The following SYNPR variants were observed in gnomAD, a reference collection of about 807,000 sequenced individuals.
The protein encoded by SYNPR is synaptoporin.
SYNPR carries 23 observed loss-of-function variants against 32.9 expected under a neutral mutation model. That is an observed-to-expected ratio of 0.70 (90% CI 0.50 to 0.99). The LOEUF is 0.99. SYNPR is among the 50% of genes least tolerant of loss of function. SYNPR has a pLI of 0.00. For missense variants in SYNPR, 318 were observed against 349.3 expected (o/e 0.91, Z 0.71); for synonymous variants, 146 against 135.9 (o/e 1.07, Z -0.52).
chr3:63,436,707 A>G (rs1468951778), intron 2 of SYNPR, among the ~76,000 whole-genome samples: 1 of 152,138 alleles, frequency 6.6e-6, no homozygotes, highest in Non-Finnish European at 1.5e-5. Context: ...GCAACTCTTC[A>G]TGGACCCAAT....
intron 3 of SYNPR, among the ~76,000 whole-genome samples, chr3:63,552,419 A>C (rs1223820764): frequency 2.0e-5 from 3 of 152,210 alleles, no homozygotes; most frequent in Non-Finnish European, 4.4e-5. Flanking sequence ...GGGCTCTATG[A>C]TATAACCATA....
chr3:63,206,994 G>A, the SYNPR span, among the ~76,000 whole-genome samples: 7 of 152,176 alleles, frequency 4.6e-5, no homozygotes, highest in East Asian at 1.9e-4. Flanking sequence ...TGAAGTTGAC[G>A]TGCATGCATA....
intron 2 of SYNPR, among the ~76,000 whole-genome samples, chr3:63,327,579 T>C (rs1287539434): frequency 1.3e-5 from 2 of 152,266 alleles, no homozygotes; most frequent in East Asian, 1.9e-4. Context: ...TACATTTTGG[T>C]ATATTTATGC....
intron 2 of SYNPR, among the ~76,000 whole-genome samples, chr3:63,448,311 A>G (rs1455865714): frequency 6.6e-6 from 1 of 152,174 alleles, no homozygotes; most frequent in African/African-American, 2.4e-5. Flanking sequence ...ACCTTACACA[A>G]TCTTTAAATC....
At chr3:63,524,741 T>C (rs1260038877) in intron 3 of SYNPR, among the ~76,000 whole-genome samples, 1 of 152,140 alleles carries the variant, frequency 6.6e-6, no homozygotes. Context: ...GAAAATCTGC[T>C]TTTAACTATC....
At chr3:63,606,277 G>T (rs1308698374) in intron 4 of SYNPR, among the ~76,000 whole-genome samples, 1 of 152,062 alleles carries the variant, frequency 6.6e-6, no homozygotes, top group Non-Finnish European at 1.5e-5. Context: ...GGCACTAAGG[G>T]ATAAAAGGTT....
At chr3:63,249,333 T>C (rs964572201) in intron 1 of SYNPR, among the ~76,000 whole-genome samples, 6 of 152,104 alleles carry the variant, frequency 3.9e-5, no homozygotes, top group Admixed American at 1.3e-4. Context: ...CTATACAAGA[T>C]TGCGATAGTG....
chr3:63,390,888 G>T (rs1170650754), intron 2 of SYNPR, among the ~76,000 whole-genome samples: 6 of 152,096 alleles, frequency 3.9e-5, no homozygotes, highest in African/African-American at 1.4e-4. Flanking sequence ...AGAGCCCTCC[G>T]CGCTCTTCTT....
chr3:63,576,367 G>C (rs533249490), intron 4 of SYNPR, among the ~76,000 whole-genome samples: 1 of 152,234 alleles, frequency 6.6e-6, no homozygotes, highest in East Asian at 1.9e-4. Flanking sequence ...AAAGTTCCTA[G>C]CCATTTCCCT....
chr3:63,476,151 G>GGAAGGAAAGA (rs1559510421), intron 2 of SYNPR, among the ~76,000 whole-genome samples: 504 of 29,572 alleles, frequency 0.017, 54 homozygotes, highest in Non-Finnish European at 0.025. Flanking sequence ...GGAAGGAAGG[G>GGAAGGAAAGA]AGGGAGGGAG....
intron 2 of SYNPR, among the ~76,000 whole-genome samples, chr3:63,468,972 T>C (rs776242092): frequency 3.3e-5 from 5 of 152,164 alleles, no homozygotes; most frequent in Non-Finnish European, 5.9e-5. Context: ...AAGGCATTAA[T>C]TGAATACAGC....
At chr3:63,233,561 C>T (rs1370174445) in intron 1 of SYNPR, among the ~76,000 whole-genome samples, 2 of 152,196 alleles carry the variant, frequency 1.3e-5, no homozygotes, top group African/African-American at 4.8e-5. Context: ...AGATTCTATG[C>T]AATTGATTCT....
intron 3 of SYNPR, among the ~76,000 whole-genome samples, chr3:63,540,960 C>CACACACACACAT (rs778647610): frequency 1.0e-4 from 15 of 148,006 alleles, no homozygotes; most frequent in African/African-American, 3.5e-4. Context: ...CACACACACA[C>CACACACACACAT]ATATACATAG....
chr3:63,302,142 A>G (rs2086864502), intron 2 of SYNPR, among the ~76,000 whole-genome samples: 2 of 152,110 alleles, frequency 1.3e-5, no homozygotes, highest in Admixed American at 1.3e-4. Flanking sequence ...TTTCAGGATT[A>G]TTTCAAATTC....
chr3:63,235,675 C>T (rs917172675), intron 1 of SYNPR, among the ~76,000 whole-genome samples: 4 of 152,126 alleles, frequency 2.6e-5, no homozygotes, highest in Non-Finnish European at 5.9e-5. Flanking sequence ...CCCATGGACT[C>T]CCTTCTGTAC....
intron 3 of SYNPR, among the ~76,000 whole-genome samples, chr3:63,498,231 C>A (rs1022476446): frequency 1.3e-5 from 2 of 152,086 alleles, no homozygotes; most frequent in Non-Finnish European, 2.9e-5. Flanking sequence ...GAGGTGGGCA[C>A]TAATTTATCA....
chr3:63,457,341 C>G (rs1700500671), intron 2 of SYNPR, among the ~76,000 whole-genome samples: 1 of 152,092 alleles, frequency 6.6e-6, no homozygotes, highest in South Asian at 2.1e-4. Context: ...TAGATTTCCA[C>G]TTATAATGAT....
chr3:63,557,256 A>AG (rs1172102811), intron 4 of SYNPR, among the ~76,000 whole-genome samples: 7 of 152,170 alleles, frequency 4.6e-5, no homozygotes, highest in Non-Finnish European at 1.0e-4. Context: ...ACATACACCT[A>AG]GGGGGACACA....
intron 2 of SYNPR, among the ~76,000 whole-genome samples, chr3:63,437,454 G>A (rs1331644711): frequency 6.6e-5 from 10 of 152,072 alleles, no homozygotes; most frequent in Non-Finnish European, 8.8e-5. Context: ...GCAGGAAATA[G>A]CTGGCACACT....
Sources: gnomAD v4.1 joint callset for allele counts (sites outside exome capture counted in the v4.1 genomes callset) on GRCh38, gnomAD v4.1.1 for gene constraint, MANE v1.5 for transcripts, NCBI Gene and HGNC (gene_info 2026-07-23, HGNC 2026-07-21) for gene names.